The following TYW1 variants were observed in gnomAD, a reference collection of about 807,000 sequenced individuals.
The protein encoded by TYW1 is S-adenosyl-L-methionine-dependent tRNA 4-demethylwyosine synthase TYW1.
Under a neutral mutation model 96.2 loss-of-function variants are expected in TYW1, and 46 were observed. The ratio of observed to expected loss-of-function variants is 0.48; its 90% CI spans 0.38 to 0.61. The LOEUF is 0.61. Among genes scored for constraint, TYW1 ranks in the 20% least tolerant of loss-of-function variants. TYW1 has a pLI of 0.00. For synonymous variants in TYW1, 274 were observed against 323.0 expected, an observed-to-expected ratio of 0.85 and a Z score of 1.63; for missense variants, 684 against 909.6, an observed-to-expected ratio of 0.75 and a Z score of 3.19.
chr7:67,115,240 CTT>C (rs61078524), intron 12 of TYW1, among the ~76,000 whole-genome samples: 1,622 of 134,834 alleles, frequency 0.012, 30 homozygotes, highest in African/African-American at 0.039. Context: ...TAAGACAGTC[CTT>C]TTTTTTTTTT....
At chr7:67,139,378 G>C (rs1272956109) in intron 13 of TYW1, among the ~76,000 whole-genome samples, 4 of 152,148 alleles carry the variant, frequency 2.6e-5, no homozygotes, top group Non-Finnish European at 5.9e-5. Context: ...GAAATCTTGA[G>C]TTTCTAAAAT....
At chr7:67,040,233 C>T (rs906001865) in intron 7 of TYW1, among the ~76,000 whole-genome samples, 1 of 152,184 alleles carries the variant, frequency 6.6e-6, no homozygotes, top group African/African-American at 2.4e-5. Flanking sequence ...GCTAGGATAG[C>T]CACCGGGCCT....
intron 13 of TYW1, among the ~76,000 whole-genome samples, chr7:67,138,492 T>C (rs1798338762): frequency 6.6e-6 from 1 of 152,166 alleles, no homozygotes; most frequent in Non-Finnish European, 1.5e-5. Context: ...ATTATACTCC[T>C]TTAGTCACTT....
At chr7:67,098,024 C>T (rs1006814613) in intron 11 of TYW1, among the ~76,000 whole-genome samples, 2 of 152,052 alleles carry the variant, frequency 1.3e-5, no homozygotes, top group African/African-American at 2.4e-5. Context: ...TTTGAAGCTC[C>T]TCAGGTGATT....
intron 3 of TYW1, among the ~76,000 whole-genome samples, chr7:67,003,473 G>A (rs931139913): frequency 6.6e-6 from 1 of 151,494 alleles, no homozygotes. Flanking sequence ...TTTGGGAATA[G>A]CACGTACATT....
chr7:67,065,929 T>A (rs1225040795), intron 9 of TYW1, among the ~76,000 whole-genome samples: 1 of 151,750 alleles, frequency 6.6e-6, no homozygotes, highest in Non-Finnish European at 1.5e-5. Context: ...GAGAACCGCT[T>A]GAACTGGGAG....
At chr7:67,095,927 C>T (rs976979408) in intron 11 of TYW1, among the ~76,000 whole-genome samples, 4 of 152,026 alleles carry the variant, frequency 2.6e-5, no homozygotes, top group East Asian at 1.9e-4. Flanking sequence ...TGACTGGGAT[C>T]GAATCAGTTT....
rs568282989 is a variant in TYW1, at chr7:67,119,746, G to A, written c.1698+2128G>A. Among the ~76,000 whole-genome samples, 13 of 152,028 alleles carry A rather than the reference G, an allele frequency of 8.6e-5. No individual in the cohort carries two copies. The East Asian group carries it at 2.5e-3, about 29-fold the overall frequency. Reference sequence around the variant, plus strand: ...GATTCCTTCCTTATGTCTGAATTCTGCACAATGTCTAGCATAGTACACTTT... The same window carrying A: ...GATTCCTTCCTTATGTCTGAATTCTACACAATGTCTAGCATAGTACACTTT... On this transcript the variant is annotated intron_variant, in intron 13 of 15. Transcript: ENST00000359626.
At chr7:67,109,135 G>T (rs1349012616) in intron 12 of TYW1, among the ~76,000 whole-genome samples, 1 of 151,772 alleles carries the variant, frequency 6.6e-6, no homozygotes. Flanking sequence ...TTAGCCGGGC[G>T]CAGTGGCGGG....
At chr7:67,028,965 C>G (rs1316153352) in intron 7 of TYW1, among the ~76,000 whole-genome samples, 1 of 151,316 alleles carries the variant, frequency 6.6e-6, no homozygotes, top group Non-Finnish European at 1.5e-5. Flanking sequence ...ATGTGATTTC[C>G]AAGTGGTGTT....
In TYW1 at chr7:67,117,759, T is replaced by A. The variant is rs964095581; in HGVS notation, c.1698+141T>A. 25 of 1,287,534 alleles carry A rather than the reference T, an allele frequency of 1.9e-5. No homozygotes were observed. In the African/African-American group the frequency reaches 3.5e-4, roughly 18 times the overall value. 79.8% of individuals were successfully genotyped at this position (1,287,534 alleles called of 1,614,324 possible). On this transcript the variant is annotated intron_variant, in intron 13 of 15. Transcript: ENST00000359626. Reference sequence around the variant, plus strand: ...AATAAAAAAAGATGAAATATAACTTTCAACTTTTTAGAGACTTCCTTCTTC... The same window carrying A: ...AATAAAAAAAGATGAAATATAACTTACAACTTTTTAGAGACTTCCTTCTTC...
At chr7:67,193,207 A>G (rs1039822834) in intron 14 of TYW1, among the ~76,000 whole-genome samples, 12 of 152,196 alleles carry the variant, frequency 7.9e-5, no homozygotes, top group Non-Finnish European at 1.5e-4. Flanking sequence ...TTAACTCTGT[A>G]GGGCACAGTT....
In TYW1 at chr7:67,224,524, C is replaced by G. The variant is rs534960104; in HGVS notation, c.1978-13784C>G. On this transcript the variant is annotated intron_variant, in intron 15 of 15. Transcript: ENST00000359626. The stretch of plus-strand genomic sequence containing the variant: ...TCCTGCTGGCACAGTTTCCTTCTTA[C>G]TGAACTCAGTGGTAAACTTAGCCTT... Among the ~76,000 whole-genome samples the G allele has an allele frequency of 9.2e-5, 14 of 152,348 alleles. 1 individual carries two copies. The South Asian group carries it at 1.9e-3, about 20-fold the overall frequency.
chr7:67,023,717 A>G (rs1163419091), intron 6 of TYW1, among the ~76,000 whole-genome samples: 3 of 152,040 alleles, frequency 2.0e-5, no homozygotes, highest in Non-Finnish European at 4.4e-5. Context: ...GCAGTGAGCC[A>G]AGATCACGCC....
chr7:67,235,118 A>G (rs1801843517), intron 15 of TYW1, among the ~76,000 whole-genome samples: 1 of 152,188 alleles, frequency 6.6e-6, no homozygotes, highest in South Asian at 2.1e-4. Context: ...AAAACACCAA[A>G]GGGACACAAA....
chr7:67,171,650 A>G (rs1799517531), intron 13 of TYW1, among the ~76,000 whole-genome samples: 1 of 152,094 alleles, frequency 6.6e-6, no homozygotes, highest in South Asian at 2.1e-4. Flanking sequence ...TATTGATGCT[A>G]TATTGTTAGG....
intron 15 of TYW1, among the ~76,000 whole-genome samples, chr7:67,207,282 C>T (rs1464181706): frequency 6.6e-6 from 1 of 152,158 alleles, no homozygotes; most frequent in East Asian, 1.9e-4. Context: ...GCCCCCTTTC[C>T]TTCATCCGCT....
intron 13 of TYW1, among the ~76,000 whole-genome samples, chr7:67,128,845 T>C (rs1373155128): frequency 3.9e-5 from 6 of 152,036 alleles, no homozygotes; most frequent in Non-Finnish European, 5.9e-5. Flanking sequence ...CCCGCCACCA[T>C]GCTCCACTAA....
intron 7 of TYW1, among the ~76,000 whole-genome samples, chr7:67,032,451 T>C (rs930472408): frequency 3.3e-5 from 5 of 152,094 alleles, no homozygotes; most frequent in Admixed American, 3.3e-4. Flanking sequence ...AAACCCTGTC[T>C]CTACCAAAAA....
Sources: allele counts gnomAD v4.1 joint callset (sites outside exome capture counted in the v4.1 genomes callset), GRCh38; gene constraint gnomAD v4.1.1; transcripts MANE v1.5; gene names NCBI Gene and HGNC (gene_info 2026-07-23, HGNC 2026-07-21).